SOS2: variants seen among roughly 807,000 people sequenced by gnomAD.
The protein encoded by SOS2 is son of sevenless homolog 2.
Under a neutral mutation model 148.2 loss-of-function variants are expected in SOS2, and 65 were observed. That is an observed-to-expected ratio of 0.44 (90% CI 0.36 to 0.54). The LOEUF (loss-of-function observed/expected upper bound fraction) is 0.54. Among genes scored for constraint, SOS2 ranks in the 20% least tolerant of loss-of-function variants. The pLI is 0.00. For synonymous variants in SOS2, 539 were observed against 537.1 expected, an observed-to-expected ratio of 1.00 and a Z score of -0.05; for missense variants, 1,341 against 1,590.2, an observed-to-expected ratio of 0.84 and a Z score of 2.67.
intron 10 of SOS2, 36 bp from the exon 11 acceptor site, chr14:50,158,682 A>C: frequency 2.2e-6 from 3 of 1,345,128 alleles, no homozygotes; most frequent in Non-Finnish European, 3.2e-6. Flanking sequence ...TTTCATGTTT[A>C]ATGTATTCAG....
In SOS2 at chr14:50,118,627, A is replaced by G. The variant is rs765551658; in HGVS notation, c.3716T>C (p.Leu1239Pro). 1 of 1,613,962 alleles carries G rather than the reference A, an allele frequency of 6.2e-7. No individual in the cohort carries two copies. The highest frequency in any genetic ancestry group is 2.2e-5 in the East Asian group (1 of 44,898). The change falls in exon 23 of 23, where the codon CTG (leucine) becomes CCG (proline). Residue 1239 changes from leucine to proline, a missense_variant. Leu to Pro is a moderately conservative substitution (Grantham distance 98, BLOSUM62 -3). Coordinates refer to ENST00000216373, the MANE Select transcript of SOS2 (RefSeq NM_006939.4). ...GTCTGAATCTCTGTGAAGATGCCCCAGTGGAGGTGGCTGAAGATTAAATGG... is the reference window on the plus strand; with the variant it reads ...GTCTGAATCTCTGTGAAGATGCCCCGGTGGAGGTGGCTGAAGATTAAATGG... The part of the protein sequence containing the change: ...NCPFNLQPPP[L>P]GHLHRDSDWL...
intron 1 of SOS2, among the ~76,000 whole-genome samples, chr14:50,222,469 C>T (rs1887228338): frequency 6.6e-6 from 1 of 152,168 alleles, no homozygotes; most frequent in Non-Finnish European, 1.5e-5. Flanking sequence ...GGAAAAAATA[C>T]TGTGAACACT....
In SOS2 at chr14:50,224,310, T is replaced by TACACAC. The variant is rs1301626711; in HGVS notation, c.87+6886_87+6887insGTGTGT. On this transcript the variant is annotated intron_variant, in intron 1 of 22. Coordinates refer to ENST00000216373, the MANE Select transcript of SOS2 (RefSeq NM_006939.4). ...CGTCTCAGGAAAAAAAAAAAATATA[T>TACACAC]ATATACACACACACACACACACACA... Among the ~76,000 whole-genome samples, 8 of 62,012 alleles carry TACACAC rather than the reference T, an allele frequency of 1.3e-4. No individual in the cohort carries two copies. The South Asian group carries it at 1.7e-3, about 13-fold the overall frequency. 40.7% of individuals were successfully genotyped at this position (62,012 alleles called of 152,430 possible).
intron 7 of SOS2, among the ~76,000 whole-genome samples, chr14:50,175,698 A>G (rs550378691): frequency 9.9e-5 from 15 of 152,258 alleles, no homozygotes; most frequent in African/African-American, 3.4e-4. Context: ...ATGGTTTTCT[A>G]AAATTTATAA....
At chr14:50,226,602 A>G (rs1160831919) in intron 1 of SOS2, among the ~76,000 whole-genome samples, 1 of 152,200 alleles carries the variant, frequency 6.6e-6, no homozygotes, top group Non-Finnish European at 1.5e-5. Context: ...AAATTGTCAC[A>G]GGGTGGGGAG....
chr14:50,211,611 AATTATT>A (rs138456236), intron 1 of SOS2, among the ~76,000 whole-genome samples: 1 of 147,592 alleles, frequency 6.8e-6, no homozygotes, highest in East Asian at 2.0e-4. Context: ...TTTTTTAATT[AATTATT>A]ATTATTATTA....
At chr14:50,214,765 C>A (rs1886992019) in intron 1 of SOS2, among the ~76,000 whole-genome samples, 1 of 150,266 alleles carries the variant, frequency 6.7e-6, no homozygotes, top group African/African-American at 2.4e-5. Flanking sequence ...GAGCTGGTCA[C>A]CAACTCCTTG....
chr14:50,227,405 G>A (rs1342999689), intron 1 of SOS2, among the ~76,000 whole-genome samples: 1 of 148,924 alleles, frequency 6.7e-6, no homozygotes, highest in Non-Finnish European at 1.5e-5. Flanking sequence ...CACCACACTT[G>A]GCTAATTTTG....
chr14:50,125,225 G>C (rs934733489), intron 21 of SOS2, among the ~76,000 whole-genome samples: 5 of 152,174 alleles, frequency 3.3e-5, no homozygotes, highest in African/African-American at 1.2e-4. Context: ...TATGACAATG[G>C]AGGCAAAGAC....
chr14:50,231,113 C>G, intron 1 of SOS2, 84 bp downstream of exon 1: 2 of 822,096 alleles, frequency 2.4e-6, no homozygotes, highest in Non-Finnish European at 3.4e-6. Context: ...GGGACTCGAG[C>G]CCTGTGGGAG....
intron 4 of SOS2, among the ~76,000 whole-genome samples, chr14:50,192,512 C>T (rs998241110): frequency 5.3e-5 from 8 of 151,898 alleles, no homozygotes; most frequent in Admixed American, 2.6e-4. Flanking sequence ...GCAGAGATTG[C>T]GCCACTACAC....
At chr14:50,141,772 A>C (rs1358345129) in intron 16 of SOS2, among the ~76,000 whole-genome samples, 1 of 152,176 alleles carries the variant, frequency 6.6e-6, no homozygotes, top group Admixed American at 6.5e-5. Context: ...TTGATTCTAA[A>C]ATGTATATAG....
chr14:50,192,996 CCTT>C (rs891559263), intron 4 of SOS2, among the ~76,000 whole-genome samples: 1 of 152,124 alleles, frequency 6.6e-6, no homozygotes, highest in Non-Finnish European at 1.5e-5. Flanking sequence ...TATTCTCTCA[CCTT>C]TTTTTTGGTT....
At position 50,199,810 on chromosome 14, in the gene SOS2, C is replaced by A; in HGVS notation, c.391G>T (p.Val131Leu). ...KVDYHVSLYI[V>L]AVLEYISADI... is the part of the protein sequence containing the mutation. Reference sequence around the variant, plus strand: ...GCTGAGATATACTCTAGTACAGCCACAATATATAGGGATACATGGTAGTCC... The same window carrying A: ...GCTGAGATATACTCTAGTACAGCCAAAATATATAGGGATACATGGTAGTCC... The change falls in exon 4 of 23, where the codon GTG becomes TTG. Residue 131 changes from valine (V) to leucine (L), a missense_variant. By Grantham distance (32) the Val-to-Leu change is conservative. Coordinates refer to ENST00000216373, the MANE Select transcript of SOS2 (RefSeq NM_006939.4). The A allele has an allele frequency of 6.3e-7, 1 of 1,595,898 alleles. No individual in the cohort carries two copies. The highest frequency in any genetic ancestry group is 8.6e-7 in the Non-Finnish European group (1 of 1,165,354).
At chr14:50,139,224 T>G (rs1884183331) in intron 17 of SOS2, among the ~76,000 whole-genome samples, 1 of 152,196 alleles carries the variant, frequency 6.6e-6, no homozygotes, top group Non-Finnish European at 1.5e-5. Flanking sequence ...ACTAATTCTG[T>G]TTTTTCAGAG....
intron 1 of SOS2, among the ~76,000 whole-genome samples, chr14:50,217,690 C>T (rs770991040): frequency 4.6e-5 from 7 of 152,148 alleles, no homozygotes; most frequent in Non-Finnish European, 7.3e-5. Context: ...GGTGCGGTGG[C>T]TCACGCCTGT....
chr14:50,147,010 T>A (rs1414980587), intron 14 of SOS2, among the ~76,000 whole-genome samples: 1 of 150,490 alleles, frequency 6.6e-6, no homozygotes, highest in Non-Finnish European at 1.5e-5. Context: ...TCCTGGGCAA[T>A]CATAATGAGA....
intron 17 of SOS2, 82 bp from the exon 18 acceptor site, chr14:50,138,866 C>A (rs1884173291): frequency 1.8e-6 from 1 of 569,870 alleles, no homozygotes; most frequent in Non-Finnish European, 2.9e-6. Flanking sequence ...AACAACTGAT[C>A]TAGTAAAGTT....
rs766926555 is a variant in SOS2 at position 50,138,728 on chromosome 14, T to C, written c.2842A>G (p.Lys948Glu). Reference protein sequence around the residue: ...TEEGNNDFLKKKGKDLINFSK... With the variant: ...TEEGNNDFLKEKGKDLINFSK... ...AAATTGATTAAATCTTTCCCTTTCT[T>C]TTTTAAAAAATCATTATTCCCTTCT... The change falls in exon 18 of 23, where the codon AAG becomes GAG. Residue 948 changes from lysine to glutamate, a missense_variant. Physicochemically the swap from Lys to Glu is moderately conservative, Grantham distance 56. Transcript: ENST00000216373. The C allele has an allele frequency of 7.8e-7, 1 of 1,289,844 alleles. No homozygotes were observed. Among genetic ancestry groups the C allele is most frequent in the South Asian group, 1.3e-5 (1 of 76,476 alleles). The allele number at this position is 1,289,844 out of a possible 1,614,324, so 79.9% of individuals were successfully genotyped here.
Sources: allele counts gnomAD v4.1 joint callset (sites outside exome capture counted in the v4.1 genomes callset), GRCh38; gene constraint gnomAD v4.1.1; transcripts MANE v1.5; gene names NCBI Gene and HGNC (gene_info 2026-07-23, HGNC 2026-07-21).